Variants in ZFAND3 observed in about 807,000 individuals in gnomAD.
The protein encoded by ZFAND3 is zinc finger AN1-type containing 3, also known as AN1-type zinc finger protein 3.
ZFAND3 carries 10 observed loss-of-function variants against 29.6 expected under a neutral mutation model. The ratio of observed to expected loss-of-function variants is 0.34; its 90% CI spans 0.21 to 0.57. The LOEUF (loss-of-function observed/expected upper bound fraction) is 0.57, where lower values mean the gene tolerates loss of function less well. Ranked by LOEUF, ZFAND3 falls within the 20% of genes least tolerant of loss-of-function variation. The pLI is 0.86. For missense variants in ZFAND3, 230 were observed against 304.5 expected, an observed-to-expected ratio of 0.76 and a Z score of 1.82; for synonymous variants, 128 against 112.6, an observed-to-expected ratio of 1.14 and a Z score of -0.87.
At chr6:37,845,451 A>G (rs1202517007) in intron 1 of ZFAND3, among the ~76,000 whole-genome samples, 2 of 152,160 alleles carry the variant, frequency 1.3e-5, no homozygotes, top group African/African-American at 2.4e-5. Context: ...AAATTTGGTT[A>G]GGGGAAAGGT....
Position 38,152,470 on chromosome 6 carries a change from T to G in ZFAND3, c.*81T>G. On this transcript the variant is annotated 3_prime_UTR_variant, in exon 6 of 6. Transcript: ENST00000287218. ...TTTAGGACAAAGTCAGCCAGACACC[T>G]TGTACTGGGCACGCGTCAGACTGCA... is the stretch of plus-strand genomic sequence containing the variant. The G allele has an allele frequency of 6.9e-7, 1 of 1,458,192 alleles. No individual in the cohort carries two copies. The highest frequency in any genetic ancestry group is 2.5e-5 in the Admixed American group (1 of 39,666). The allele number at this position is 1,458,192 out of a possible 1,614,324, so 90.3% of individuals were successfully genotyped here.
intron 1 of ZFAND3, among the ~76,000 whole-genome samples, chr6:37,917,321 G>A (rs977238839): frequency 6.6e-6 from 1 of 152,094 alleles, no homozygotes; most frequent in Non-Finnish European, 1.5e-5. Flanking sequence ...ACCCAATTGC[G>A]ACGTCCCACC....
Position 38,116,591 on chromosome 6 carries a change from G to T in ZFAND3, c.381G>T (p.Glu127Asp), listed in dbSNP as rs756745767. Residue 127 changes from glutamate to aspartate, a missense_variant, in exon 5 of 6, where the codon GAG becomes GAT. By Grantham distance (45) the Glu-to-Asp change is conservative. Transcript: ENST00000287218. The part of the protein sequence containing the change: ...SCGTDSQSEN[E>D]ASPVKRPRLL... Reference sequence around the variant, plus strand: ...GGTCAGATTCACAGTCTGAGAATGAGGCTTCACCAGTAAAACGGCCACGAC... The same window carrying T: ...GGTCAGATTCACAGTCTGAGAATGATGCTTCACCAGTAAAACGGCCACGAC... 3.3e-5 allele frequency: 54 copies of T among 1,613,136 alleles called. No individual in the cohort carries two copies. Among genetic ancestry groups the T allele is most frequent in the Non-Finnish European group, 4.3e-5 (51 of 1,179,218 alleles).
At chr6:37,846,670 A>G (rs1157314059) in intron 1 of ZFAND3, among the ~76,000 whole-genome samples, 1 of 151,082 alleles carries the variant, frequency 6.6e-6, no homozygotes, top group Non-Finnish European at 1.5e-5. Flanking sequence ...CTAGTTTGTT[A>G]GTATCTGAGG....
chr6:37,912,055 T>C (rs1236039110), intron 1 of ZFAND3, among the ~76,000 whole-genome samples: 1 of 151,544 alleles, frequency 6.6e-6, no homozygotes, highest in Non-Finnish European at 1.5e-5. Flanking sequence ...TGTGTGTGTG[T>C]GTGTGTGTGT....
At chr6:38,016,854 A>G (rs1462094930) in intron 2 of ZFAND3, among the ~76,000 whole-genome samples, 1 of 152,226 alleles carries the variant, frequency 6.6e-6, no homozygotes, top group Non-Finnish European at 1.5e-5. Context: ...AGGGATCTCT[A>G]GAAATATTAT....
At chr6:37,825,179 A>T (rs574246173) in intron 1 of ZFAND3, among the ~76,000 whole-genome samples, 2 of 152,264 alleles carry the variant, frequency 1.3e-5, no homozygotes, top group African/African-American at 4.8e-5. Flanking sequence ...CAGTCTCCCA[A>T]TTGTAACATG....
intron 2 of ZFAND3, among the ~76,000 whole-genome samples, chr6:38,014,360 C>G (rs556775580): frequency 1.3e-5 from 2 of 151,360 alleles, no homozygotes; most frequent in South Asian, 4.2e-4. Flanking sequence ...GAGTTTCACT[C>G]TTGTCGCCTA....
At chr6:37,908,327 A>G (rs1313630373) in intron 1 of ZFAND3, among the ~76,000 whole-genome samples, 1 of 152,210 alleles carries the variant, frequency 6.6e-6, no homozygotes, top group South Asian at 2.1e-4. Flanking sequence ...AGATCTAAAA[A>G]TACCTTAAAT....
intron 2 of ZFAND3, among the ~76,000 whole-genome samples, chr6:37,997,215 A>G (rs1232766866): frequency 6.6e-6 from 1 of 152,216 alleles, no homozygotes; most frequent in Admixed American, 6.5e-5. Context: ...CATTGGGGAA[A>G]GTAAGAATTG....
rs11448512 is a variant in ZFAND3, at chr6:37,902,737, C to CTTTTTTT, written c.72-27205_72-27199dup. 2.5e-4 allele frequency among the ~76,000 whole-genome samples: 25 copies of CTTTTTTT among 100,414 alleles called. No individual in the cohort carries two copies. In the East Asian group the frequency reaches 5.3e-3, roughly 21 times the overall value. The allele number at this position is 100,414 out of a possible 152,430, so 65.9% of individuals were successfully genotyped here. On this transcript the variant is annotated intron_variant, in intron 1 of 5. Coordinates refer to ENST00000287218, the MANE Select transcript of ZFAND3 (RefSeq NM_021943.3). ...TGCAGCAGCAAGCTTCTTTTACTTA[C>CTTTTTTT]TTTTTTTTTTTTTTTTTTTTTTTAA...
At chr6:37,918,277 A>G (rs372238333) in intron 1 of ZFAND3, among the ~76,000 whole-genome samples, 130 of 152,080 alleles carry the variant, frequency 8.5e-4, no homozygotes, top group African/African-American at 2.9e-3. Flanking sequence ...GGGTTTCACC[A>G]TATTAGCCAG....
intron 4 of ZFAND3, among the ~76,000 whole-genome samples, chr6:38,086,943 C>T (rs1288662290): frequency 6.6e-6 from 1 of 152,156 alleles, no homozygotes; most frequent in Non-Finnish European, 1.5e-5. Flanking sequence ...TCAATTTATA[C>T]TACAGAGCTA....
chr6:38,094,119 A>G (rs1764925847), intron 4 of ZFAND3, among the ~76,000 whole-genome samples: 2 of 152,020 alleles, frequency 1.3e-5, no homozygotes, highest in South Asian at 2.1e-4. Flanking sequence ...CTCCTAGAAA[A>G]GGTGGTCGCC....
chr6:37,930,240 T>C (rs1002856653), intron 2 of ZFAND3, among the ~76,000 whole-genome samples: 1 of 152,186 alleles, frequency 6.6e-6, no homozygotes, highest in Non-Finnish European at 1.5e-5. Context: ...AAACAAACTT[T>C]CCTTGGTTTA....
rs1304471678 is a variant in ZFAND3 at position 37,883,171 on chromosome 6, T to G, written c.72-46788T>G. On this transcript the variant is annotated intron_variant, in intron 1 of 5. Transcript: ENST00000287218. ...CCAGGAGTTTGAGGTTGCAGTGAAC[T>G]ATGATCACGCCACTGCTCTACAGCC... is the stretch of plus-strand genomic sequence containing the variant. 2.6e-5 allele frequency among the ~76,000 whole-genome samples: 4 copies of G among 152,192 alleles called. No homozygotes were observed. In the East Asian group the frequency reaches 7.7e-4, roughly 29 times the overall value.
chr6:38,029,813 C>T (rs963928370), intron 2 of ZFAND3, among the ~76,000 whole-genome samples: 1 of 152,062 alleles, frequency 6.6e-6, no homozygotes, highest in African/African-American at 2.4e-5. Context: ...AAATTATCGT[C>T]ATGTATTTTA....
chr6:38,003,254 C>T (rs1015212459), intron 2 of ZFAND3: 2 of 153,524 alleles, frequency 1.3e-5, no homozygotes, highest in African/African-American at 4.8e-5. Context: ...CTTCCACATG[C>T]TGAACTAAAT....
intron 3 of ZFAND3, among the ~76,000 whole-genome samples, chr6:38,073,757 T>C (rs986097294): frequency 6.6e-6 from 1 of 152,192 alleles, no homozygotes; most frequent in African/African-American, 2.4e-5. Flanking sequence ...TGGAAAGGTA[T>C]AGGATTCTAG....
Sources: allele counts gnomAD v4.1 joint callset (sites outside exome capture counted in the v4.1 genomes callset), GRCh38; gene constraint gnomAD v4.1.1; transcripts MANE v1.5; gene names NCBI Gene and HGNC (gene_info 2026-07-23, HGNC 2026-07-21).